The following FOXP2 variants were observed in gnomAD, a reference collection of about 807,000 sequenced individuals.
FOXP2 encodes the protein forkhead box P2, also known as forkhead box protein P2.
Under a neutral mutation model 115.8 loss-of-function variants are expected in FOXP2, and 12 were observed. The ratio of observed to expected loss-of-function variants is 0.10; its 90% confidence interval spans 0.07 to 0.17. FOXP2 has a LOEUF of 0.17. Ranked by LOEUF, FOXP2 falls within the 10% of genes least tolerant of loss-of-function variation. The pLI is 1.00. For missense variants in FOXP2, 629 were observed against 843.5 expected, an observed-to-expected ratio of 0.75 and a Z score of 3.15; for synonymous variants, 328 against 297.7, an observed-to-expected ratio of 1.10 and a Z score of -1.05.
chr7:114,680,967 T>G (rs1808056789), intron 16 of FOXP2, among the ~76,000 whole-genome samples: 1 of 152,196 alleles, frequency 6.6e-6, no homozygotes. Context: ...TGAATTATAT[T>G]AAGAATACAT....
intron 2 of FOXP2, among the ~76,000 whole-genome samples, chr7:114,527,460 T>G (rs1352033310): frequency 6.6e-6 from 1 of 152,096 alleles, no homozygotes; most frequent in Middle Eastern, 3.2e-3. Flanking sequence ...CAAGAAAGTA[T>G]TCTGCAGTTT....
At chr7:114,279,545 G>C (rs777262001) in intron 1 of FOXP2, among the ~76,000 whole-genome samples, 5 of 152,124 alleles carry the variant, frequency 3.3e-5, no homozygotes, top group Non-Finnish European at 5.9e-5. Flanking sequence ...GAGATGGATA[G>C]AGCATCTCTA....
chr7:114,174,577 T>C (rs1269433916), intron 1 of FOXP2, among the ~76,000 whole-genome samples: 1 of 152,044 alleles, frequency 6.6e-6, no homozygotes, highest in Non-Finnish European at 1.5e-5. Flanking sequence ...CCATCTTGAT[T>C]AGTGTTCAGA....
chr7:114,488,298 G>A (rs1320531454), intron 2 of FOXP2, among the ~76,000 whole-genome samples: 5 of 152,124 alleles, frequency 3.3e-5, no homozygotes, highest in East Asian at 1.9e-4. Context: ...CAAGACTCAC[G>A]GGGATTATGG....
intron 16 of FOXP2, among the ~76,000 whole-genome samples, chr7:114,687,173 G>A (rs1808411292): frequency 6.6e-6 from 1 of 152,100 alleles, no homozygotes; most frequent in South Asian, 2.1e-4. Flanking sequence ...TAGTTTACGG[G>A]AGAGTTTTGA....
At chr7:114,323,382 T>A (rs1797476695) in intron 2 of FOXP2, among the ~76,000 whole-genome samples, 1 of 152,060 alleles carries the variant, frequency 6.6e-6, no homozygotes, top group Non-Finnish European at 1.5e-5. Context: ...CAAAGAGAAA[T>A]CCATTCGTTG....
chr7:114,509,812 T>G (rs933725955), intron 2 of FOXP2, among the ~76,000 whole-genome samples: 14 of 151,960 alleles, frequency 9.2e-5, no homozygotes, highest in African/African-American at 2.7e-4. Context: ...GATAAAAATC[T>G]ATGAGTTGTC....
intron 1 of FOXP2, among the ~76,000 whole-genome samples, chr7:114,103,776 CA>C (rs1162974875): frequency 1.3e-5 from 2 of 151,904 alleles, no homozygotes; most frequent in African/African-American, 4.8e-5. Context: ...AAAATAATTT[CA>C]TTTTTTCCCT....
At chr7:114,143,637 T>C (rs1792286420) in intron 1 of FOXP2, among the ~76,000 whole-genome samples, 1 of 152,202 alleles carries the variant, frequency 6.6e-6, no homozygotes, top group Non-Finnish European at 1.5e-5. Flanking sequence ...TAGAATACAA[T>C]GAATCATGTA....
chr7:114,663,658 AG>A, intron 15 of FOXP2, 139 bp downstream of exon 15: 1 of 704,936 alleles, frequency 1.4e-6, no homozygotes. Context: ...CTAGTACTAT[AG>A]ACAGCACTGG....
intron 2 of FOXP2, among the ~76,000 whole-genome samples, chr7:114,307,375 A>G (rs1389063187): frequency 6.6e-6 from 1 of 152,186 alleles, no homozygotes; most frequent in Non-Finnish European, 1.5e-5. Flanking sequence ...TATTTTAGCC[A>G]GACAAGATGT....
intron 16 of FOXP2, among the ~76,000 whole-genome samples, chr7:114,678,547 CTTTTTTTTTTTTTTT>C (rs35525759): frequency 2.1e-5 from 1 of 48,388 alleles, no homozygotes; most frequent in Non-Finnish European, 4.0e-5. Context: ...ATAAGTGACT[CTTTTTTTTTTTTTTT>C]TTTTTTTTTT....
intron 2 of FOXP2, among the ~76,000 whole-genome samples, chr7:114,369,001 G>A (rs919758576): frequency 5.9e-5 from 9 of 152,204 alleles, no homozygotes; most frequent in Non-Finnish European, 1.0e-4. Flanking sequence ...CTGCTAGACC[G>A]AAGTTGGAGG....
chr7:114,515,533 T>C (rs891387926), intron 2 of FOXP2, among the ~76,000 whole-genome samples: 2 of 152,202 alleles, frequency 1.3e-5, no homozygotes, highest in Admixed American at 6.5e-5. Flanking sequence ...GAAGTGTCTG[T>C]TCATGTCCTT....
intron 2 of FOXP2, among the ~76,000 whole-genome samples, chr7:114,450,942 A>T (rs1479718186): frequency 2.6e-5 from 4 of 152,084 alleles, no homozygotes; most frequent in Non-Finnish European, 5.9e-5. Flanking sequence ...TTAATTTTTT[A>T]AAGATACACG....
intron 1 of FOXP2, among the ~76,000 whole-genome samples, chr7:114,157,628 C>T (rs1792704414): frequency 1.3e-5 from 2 of 152,080 alleles, no homozygotes; most frequent in African/African-American, 4.8e-5. Flanking sequence ...CCCTCCCTAT[C>T]CTAGTTGATG....
At chr7:114,110,605 G>A (rs1045248091) in intron 1 of FOXP2, among the ~76,000 whole-genome samples, 2 of 152,006 alleles carry the variant, frequency 1.3e-5, no homozygotes, top group Non-Finnish European at 2.9e-5. Flanking sequence ...TTGTGGTGTG[G>A]AAACCAGAAG....
At chr7:114,087,304 T>A (rs1180767510), upstream of FOXP2, among the ~76,000 whole-genome samples, 2 of 152,158 alleles carry the variant, frequency 1.3e-5, no homozygotes, top group East Asian at 3.9e-4. Context: ...GGGATAACCG[T>A]GCACAGGGAT....
At chr7:114,512,274 T>C (rs553533693) in intron 2 of FOXP2, among the ~76,000 whole-genome samples, 26 of 152,324 alleles carry the variant, frequency 1.7e-4, no homozygotes, top group Non-Finnish European at 2.6e-4. Context: ...TAACAGGCAG[T>C]CCCTCATTTC....
Sources: allele counts gnomAD v4.1 joint callset (sites outside exome capture counted in the v4.1 genomes callset), GRCh38; gene constraint gnomAD v4.1.1; transcripts MANE v1.5; gene names NCBI Gene and HGNC (gene_info 2026-07-23, HGNC 2026-07-21).